Variants in POU2AF2 observed in about 807,000 individuals in gnomAD.
The protein encoded by POU2AF2 is POU class 2 homeobox associating factor 2, also known as POU domain class 2-associating factor 2.
chr11:111,258,169 TGA>T, the POU2AF2 span, among the ~76,000 whole-genome samples: 6 of 151,116 alleles, frequency 4.0e-5, no homozygotes, highest in Non-Finnish European at 8.9e-5. Context: ...TCTAGTCTCT[TGA>T]GAGAGAGAGA....
chr11:111,269,764 T>C, the POU2AF2 span, among the ~76,000 whole-genome samples: 1 of 152,166 alleles, frequency 6.6e-6, no homozygotes, highest in African/African-American at 2.4e-5. Flanking sequence ...GTGTTTCATT[T>C]TGTAACTTAG....
chr11:111,246,428 G>A, the POU2AF2 span, among the ~76,000 whole-genome samples: 2 of 152,190 alleles, frequency 1.3e-5, no homozygotes, highest in Non-Finnish European at 2.9e-5. Flanking sequence ...AGATACAAAT[G>A]TGAATAGTCA....
the POU2AF2 span, among the ~76,000 whole-genome samples, chr11:111,257,993 C>G: frequency 1.3e-5 from 2 of 152,224 alleles, no homozygotes; most frequent in African/African-American, 4.8e-5. Flanking sequence ...TGGCTCATGC[C>G]TGTAATGTCA....
At chr11:111,260,993 T>C in the POU2AF2 span, among the ~76,000 whole-genome samples, 1 of 152,224 alleles carries the variant, frequency 6.6e-6, no homozygotes, top group Non-Finnish European at 1.5e-5. Flanking sequence ...TTTGATACCA[T>C]GAAATGTTTT....
the POU2AF2 span, among the ~76,000 whole-genome samples, chr11:111,267,413 C>A: frequency 2.6e-4 from 39 of 152,268 alleles, no homozygotes; most frequent in African/African-American, 8.7e-4. Context: ...CTTGCAGAAG[C>A]CTCTTTTCTG....
chr11:111,263,273 CTTTAAATA>C, the POU2AF2 span, among the ~76,000 whole-genome samples: 1 of 151,910 alleles, frequency 6.6e-6, no homozygotes, highest in East Asian at 1.9e-4. Context: ...ATTTCCATTT[CTTTAAATA>C]TTTAAATCCT....
At chr11:111,280,604 C>T in the POU2AF2 span, among the ~76,000 whole-genome samples, 45 of 152,182 alleles carry the variant, frequency 3.0e-4, no homozygotes, top group African/African-American at 8.7e-4. Flanking sequence ...TCTCAGTAGC[C>T]GACTCAGTGA....
the POU2AF2 span, among the ~76,000 whole-genome samples, chr11:111,259,189 C>T: frequency 6.6e-6 from 1 of 152,024 alleles, no homozygotes; most frequent in East Asian, 1.9e-4. Context: ...ACACTAACCC[C>T]GAGATTGATA....
chr11:111,271,069 T>C, the POU2AF2 span, among the ~76,000 whole-genome samples: 1 of 152,196 alleles, frequency 6.6e-6, no homozygotes, highest in Non-Finnish European at 1.5e-5. Flanking sequence ...ATGCCTGTAA[T>C]CTCAGCACTT....
chr11:111,271,316 T>TC, the POU2AF2 span, among the ~76,000 whole-genome samples: 1 of 149,346 alleles, frequency 6.7e-6, no homozygotes, highest in Non-Finnish European at 1.5e-5. Context: ...AGAGCAAAAC[T>TC]CCATCTCAAA....
the POU2AF2 span, among the ~76,000 whole-genome samples, chr11:111,252,247 C>T: frequency 1.3e-5 from 2 of 152,124 alleles, no homozygotes; most frequent in Admixed American, 6.5e-5. Context: ...GACCACCCCA[C>T]CTCCACAGGA....
chr11:111,284,390 A>G, the POU2AF2 span: 2 of 1,580,748 alleles, frequency 1.3e-6, no homozygotes, highest in Non-Finnish European at 1.7e-6. Context: ...GAGTATGCAG[A>G]GACCTCGTGT....
the POU2AF2 span, among the ~76,000 whole-genome samples, chr11:111,270,529 T>G: frequency 6.6e-6 from 1 of 152,244 alleles, no homozygotes; most frequent in Non-Finnish European, 1.5e-5. Context: ...GTAAATGCTT[T>G]TGAGGATATA....
the POU2AF2 span, among the ~76,000 whole-genome samples, chr11:111,269,204 A>AG: frequency 1.3e-5 from 1 of 74,928 alleles, no homozygotes; most frequent in Non-Finnish European, 2.9e-5. Context: ...GAATTTAAAA[A>AG]GAAAAAAAAA....
At chr11:111,270,107 C>T in the POU2AF2 span, among the ~76,000 whole-genome samples, 1 of 152,132 alleles carries the variant, frequency 6.6e-6, no homozygotes, top group African/African-American at 2.4e-5. Context: ...TGAAGTCTTC[C>T]CTGTCCCCAG....
the POU2AF2 span, among the ~76,000 whole-genome samples, chr11:111,268,495 TTATTTTATTTTA>T: frequency 1.6e-5 from 1 of 60,700 alleles, no homozygotes; most frequent in African/African-American, 4.9e-5. Flanking sequence ...TTATTTTATT[TTATTTTATTTTA>T]TTTTATTTTA....
At chr11:111,281,772 G>A in the POU2AF2 span, among the ~76,000 whole-genome samples, 1 of 152,174 alleles carries the variant, frequency 6.6e-6, no homozygotes, top group African/African-American at 2.4e-5. Context: ...GGGGAAAGCC[G>A]TCTGCGAGCA....
At chr11:111,257,544 T>A in the POU2AF2 span, among the ~76,000 whole-genome samples, 1 of 151,928 alleles carries the variant, frequency 6.6e-6, no homozygotes, top group Admixed American at 6.6e-5. Context: ...AATTGTGTTT[T>A]TTTGTATTTT....
chr11:111,270,860 C>G, the POU2AF2 span, among the ~76,000 whole-genome samples: 1 of 152,266 alleles, frequency 6.6e-6, no homozygotes, highest in Admixed American at 6.5e-5. Flanking sequence ...GAAATGGCAC[C>G]TGCTGGCCTT....
Sources: allele counts gnomAD v4.1 joint callset (sites outside exome capture counted in the v4.1 genomes callset), GRCh38; gene constraint gnomAD v4.1.1; transcripts MANE v1.5; gene names NCBI Gene and HGNC (gene_info 2026-07-23, HGNC 2026-07-21).